Variants in DNMT3A observed in about 807,000 individuals in gnomAD.
The protein encoded by DNMT3A is DNA (cytosine-5)-methyltransferase 3A.
A neutral mutation model predicts 117.6 loss-of-function variants in DNMT3A; 267 were observed. The ratio of observed to expected loss-of-function variants is 2.27; its 90% CI spans 2.05 to 2.51. The LOEUF is 2.51. DNMT3A is among the 30% of genes most tolerant of loss of function. DNMT3A has a pLI of 0.00. For synonymous variants in DNMT3A, 432 were observed against 474.8 expected, an observed-to-expected ratio of 0.91 and a Z score of 1.17; for missense variants, 1,029 against 1,260.2, an observed-to-expected ratio of 0.82 and a Z score of 2.78.
intron 2 of DNMT3A, among the ~76,000 whole-genome samples, chr2:25,302,075 T>C (rs7581217): frequency 0.62 from 94,270 of 151,956 alleles, 29,594 homozygotes; most frequent in South Asian, 0.72. Context: ...CAGACCATCA[T>C]GGCTCAAGTT....
At chr2:25,308,439 A>T (rs2033900264) in intron 2 of DNMT3A, among the ~76,000 whole-genome samples, 2 of 152,120 alleles carry the variant, frequency 1.3e-5, no homozygotes, top group Non-Finnish European at 2.9e-5. Context: ...TACATTTGAC[A>T]TGTAATAATG....
rs1672824229 is a variant in DNMT3A, at chr2:25,230,454, C to T, written c.*3825G>A. 6.6e-6 allele frequency: 1 copy of T among 152,240 alleles called. No individual in the cohort carries two copies. Among genetic ancestry groups the T allele is most frequent in the Non-Finnish European group, 1.5e-5 (1 of 68,052 alleles). 9.4% of individuals were successfully genotyped at this position (152,240 alleles called of 1,614,324 possible). A position where few individuals can be genotyped will look rare whatever the true frequency, so the allele number is the denominator to read the frequency against. ...TGCAGGGGAAGCTGTCATCAGCCCC[C>T]AGAACCCTTGTTTCTAAGGGGGAAA... On this transcript the variant is annotated 3_prime_UTR_variant, in exon 23 of 23. Coordinates refer to ENST00000321117, the MANE Select transcript of DNMT3A (RefSeq NM_022552.5).
chr2:25,250,211 T>C (rs116567852), intron 6 of DNMT3A, among the ~76,000 whole-genome samples: 4,449 of 152,316 alleles, frequency 0.029, 220 homozygotes, highest in African/African-American at 0.1. Flanking sequence ...TTAAGAACCT[T>C]TGTTTGAAGC....
intron 1 of DNMT3A, among the ~76,000 whole-genome samples, chr2:25,336,334 T>G (rs2035214876): frequency 6.6e-6 from 1 of 152,182 alleles, no homozygotes; most frequent in Admixed American, 6.5e-5. Flanking sequence ...ATGTTCTGGA[T>G]GCTGGGGCGC....
intron 1 of DNMT3A, chr2:25,328,746 G>A (rs2034891495): frequency 2.0e-6 from 1 of 491,640 alleles, no homozygotes; most frequent in Admixed American, 2.3e-5. Context: ...GCTTGGCAGA[G>A]CCCCCAAGGC....
At chr2:25,285,727 C>T (rs943586290) in intron 3 of DNMT3A, among the ~76,000 whole-genome samples, 1 of 152,230 alleles carries the variant, frequency 6.6e-6, no homozygotes, top group African/African-American at 2.4e-5. Context: ...CAGGACCCTC[C>T]CCAGAACTCA....
chr2:25,240,182 GC>G (rs1412996899), intron 19 of DNMT3A, 119 bp downstream of exon 19: 2 of 1,436,270 alleles, frequency 1.4e-6, no homozygotes, highest in African/African-American at 2.8e-5. Context: ...TCCCAAACAG[GC>G]CCCTTGCAAA....
At position 25,234,846 on chromosome 2, in the gene DNMT3A, C is replaced by T. The variant is rs569718496; in HGVS notation, c.2598-426G>A. ...GAACACGTAGCCCTAGCATCCTCCC[C>T]ATCAAGAGCAGGGAAGGCGAAAAAG... On this transcript the variant is annotated intron_variant, in intron 22 of 22. Coordinates refer to ENST00000321117, the MANE Select transcript of DNMT3A (RefSeq NM_022552.5). This position sits in a 1 kb window ranked among gnomAD's most constrained non-coding sequence, Gnocchi z 4.5. Among the ~76,000 whole-genome samples the T allele has an allele frequency of 5.3e-5, 8 of 152,332 alleles. No individual in the cohort carries two copies. The South Asian group carries it at 8.3e-4, about 16-fold the overall frequency.
upstream of DNMT3A, chr2:25,342,456 C>G (rs1489402827): frequency 6.6e-6 from 1 of 152,226 alleles, no homozygotes; most frequent in Admixed American, 6.5e-5. The surrounding 1 kb of genome is among the most constrained non-coding windows in gnomAD (Gnocchi z 5.9). Flanking sequence ...GCTGGGTCCC[C>G]GCATCCAGCA....
chr2:25,279,970 C>T (rs1370712289), intron 4 of DNMT3A, among the ~76,000 whole-genome samples: 1 of 152,184 alleles, frequency 6.6e-6, no homozygotes, highest in Non-Finnish European at 1.5e-5. Flanking sequence ...GGATTACCAG[C>T]ATGAGCCACT....
At chr2:25,262,188 C>CAAAA (rs533414494) in intron 6 of DNMT3A, among the ~76,000 whole-genome samples, 5 of 93,730 alleles carry the variant, frequency 5.3e-5, no homozygotes, top group African/African-American at 1.2e-4. Flanking sequence ...GACTCCGTCT[C>CAAAA]AAAAAAAAAA....
In DNMT3A at chr2:25,241,668, C is replaced by T. The variant is rs752434188; in HGVS notation, c.1976G>A (p.Arg659His). The T allele has an allele frequency of 5.6e-6, 9 of 1,613,888 alleles. No homozygotes were observed. The highest frequency in any genetic ancestry group is 2.7e-5 in the African/African-American group (2 of 74,914). Reference protein sequence around the residue: ...VLKDLGIQVDRYIASEVCEDS... With the variant: ...VLKDLGIQVDHYIASEVCEDS... ...CTCACACACCTCCGAGGCAATGTAGCGGTCCACCTGAATGCCCAAGTCCTT... is the reference window on the plus strand; with the variant it reads ...CTCACACACCTCCGAGGCAATGTAGTGGTCCACCTGAATGCCCAAGTCCTT... Residue 659 changes from arginine to histidine, a missense_variant, in exon 17 of 23, where the codon CGC (arginine) becomes CAC (histidine). Transcript: ENST00000321117.
At chr2:25,264,378 G>A (rs2030050532) in intron 6 of DNMT3A, among the ~76,000 whole-genome samples, 1 of 151,844 alleles carries the variant, frequency 6.6e-6, no homozygotes, top group African/African-American at 2.4e-5. Flanking sequence ...GGCCTCAAGA[G>A]ATCCACCCGC....
At chr2:25,268,388 C>T (rs999013731) in intron 6 of DNMT3A, among the ~76,000 whole-genome samples, 34 of 152,108 alleles carry the variant, frequency 2.2e-4, no homozygotes, top group Admixed American at 7.9e-4. Flanking sequence ...CCACCAGCCG[C>T]GACACAAACT....
rs1203651882 is a variant in DNMT3A at position 25,275,075 on chromosome 2, G to A, written c.505C>T (p.Arg169Trp). The A allele has an allele frequency of 6.3e-7, 1 of 1,587,868 alleles. No individual in the cohort carries two copies. Among genetic ancestry groups the A allele is most frequent in the East Asian group, 2.3e-5 (1 of 43,958 alleles). Reference sequence around the variant, plus strand: ...TCCCAGCCCAAGCCACCCCGCAGCCGGCCCCGGGAGCCCTAGGACAGAGAG... The same window carrying A: ...TCCCAGCCCAAGCCACCCCGCAGCCAGCCCCGGGAGCCCTAGGACAGAGAG... ...ESMKMEGSRG[R>W]LRGGLGWESS... is the part of the protein sequence containing the mutation. Residue 169 changes from arginine to tryptophan, a missense_variant, in exon 6 of 23, where the codon CGG (arginine) becomes TGG (tryptophan). Arg to Trp is a moderately radical substitution (Grantham distance 101). Transcript: ENST00000321117.
chr2:25,272,106 C>G (rs908101825), intron 6 of DNMT3A, among the ~76,000 whole-genome samples: 2 of 152,164 alleles, frequency 1.3e-5, no homozygotes, highest in African/African-American at 4.8e-5. Context: ...CCTGCCTCAG[C>G]CTCCCAAGTA....
At position 25,294,801 on chromosome 2, in the gene DNMT3A, T is replaced by C. The variant is rs559025146; in HGVS notation, c.177+5338A>G. The stretch of plus-strand genomic sequence containing the variant: ...AGTGGGGCAGTTTGCCCTCTTGGAC[T>C]GGCTCACTCCTGCGGTGTTGGAGGG... On this transcript the variant is annotated intron_variant, in intron 3 of 22. Coordinates refer to ENST00000321117, the MANE Select transcript of DNMT3A (RefSeq NM_022552.5). The surrounding 1 kb of genome is among the most constrained non-coding windows in gnomAD (Gnocchi z 4.7). Among the ~76,000 whole-genome samples the C allele has an allele frequency of 6.6e-6, 1 of 152,306 alleles. No individual in the cohort carries two copies. Among genetic ancestry groups the C allele is most frequent in the East Asian group, 1.9e-4 (1 of 5,182 alleles).
chr2:25,231,305 A>AG lies in DNMT3A; in HGVS notation c.*2973dup, dbSNP rs1291476635. On this transcript the variant is annotated 3_prime_UTR_variant, in exon 23 of 23. Transcript: ENST00000321117. Reference sequence around the variant, plus strand: ...CACAGTTAGCACAGGGACTCCACTGAGGGGGCAGAGGCTCCCTTCCTCGCT... The same window carrying AG: ...CACAGTTAGCACAGGGACTCCACTGAGGGGGGCAGAGGCTCCCTTCCTCGCT... The AG allele has an allele frequency of 6.6e-6, 1 of 152,274 alleles. No homozygotes were observed. Among genetic ancestry groups the AG allele is most frequent in the African/African-American group, 2.4e-5 (1 of 41,432 alleles). The allele number at this position is 152,274 out of a possible 1,614,324, so 9.4% of individuals were successfully genotyped here.
intron 16 of DNMT3A, chr2:25,242,078 A>C: frequency 1.3e-5 from 3 of 233,718 alleles, no homozygotes; most frequent in Non-Finnish European, 2.5e-5. Flanking sequence ...CTACAATTCT[A>C]CCCCACCCTT....
Sources: allele counts gnomAD v4.1 joint callset (sites outside exome capture counted in the v4.1 genomes callset), GRCh38; gene constraint gnomAD v4.1.1; non-coding constraint Gnocchi (gnomAD v3.1); transcripts MANE v1.5; gene names NCBI Gene and HGNC (gene_info 2026-07-23, HGNC 2026-07-21).